The following COP1 variants were observed in gnomAD, a reference collection of about 807,000 sequenced individuals.
COP1 encodes the protein E3 ubiquitin-protein ligase COP1.
A neutral mutation model predicts 101.3 loss-of-function variants in COP1; 24 were observed. The ratio of observed to expected loss-of-function variants is 0.24; its 90% CI spans 0.17 to 0.33. The LOEUF (loss-of-function observed/expected upper bound fraction) is 0.33, where lower values mean the gene tolerates loss of function less well. COP1 is among the 10% of genes least tolerant of loss of function. The probability of loss-of-function intolerance (pLI) is 1.00; values close to 1 mark genes in which losing one functional copy is unlikely to be tolerated. For synonymous variants in COP1, 347 were observed against 341.9 expected (o/e 1.01, Z -0.17); for missense variants, 663 against 906.2 (o/e 0.73, Z 3.45).
At chr1:176,118,337 T>C (rs943699234) in intron 8 of COP1, among the ~76,000 whole-genome samples, 15 of 152,194 alleles carry the variant, frequency 9.9e-5, no homozygotes, top group African/African-American at 3.6e-4. Flanking sequence ...TGAATCTGTC[T>C]ACACAGCAGT....
intron 6 of COP1, among the ~76,000 whole-genome samples, chr1:176,144,335 A>G (rs1691237573): frequency 2.0e-5 from 3 of 152,162 alleles, no homozygotes; most frequent in African/African-American, 7.2e-5. Flanking sequence ...AAAGTTAGAG[A>G]CACAGACATC....
intron 8 of COP1, among the ~76,000 whole-genome samples, chr1:176,118,953 A>G (rs1438593101): frequency 1.3e-5 from 2 of 152,236 alleles, no homozygotes; most frequent in East Asian, 1.9e-4. Flanking sequence ...ATAAAGTTAG[A>G]TGAGTGCCAA....
At chr1:176,169,900 C>T (rs1020210496) in intron 3 of COP1, among the ~76,000 whole-genome samples, 2 of 152,240 alleles carry the variant, frequency 1.3e-5, no homozygotes. Context: ...ACCTCTGAAG[C>T]CCTCTTGCTG....
At chr1:176,108,457 T>C (rs1558124829) in intron 9 of COP1, among the ~76,000 whole-genome samples, 2 of 152,186 alleles carry the variant, frequency 1.3e-5, no homozygotes, top group African/African-American at 4.8e-5. Context: ...AATAAATTTG[T>C]GTATAATTAC....
intron 11 of COP1, among the ~76,000 whole-genome samples, chr1:176,063,436 A>T (rs924997707): frequency 1.3e-5 from 2 of 152,230 alleles, no homozygotes; most frequent in African/African-American, 4.8e-5. Flanking sequence ...TATATAAATT[A>T]TACTTCAGTA....
intron 11 of COP1, among the ~76,000 whole-genome samples, chr1:176,071,345 A>T (rs1676971569): frequency 6.6e-6 from 1 of 152,098 alleles, no homozygotes; most frequent in Non-Finnish European, 1.5e-5. Flanking sequence ...GTTTCCTGCA[A>T]AGCCTGCAGA....
chr1:176,115,603 G>A (rs1318115838), intron 9 of COP1, among the ~76,000 whole-genome samples: 1 of 151,864 alleles, frequency 6.6e-6, no homozygotes, highest in Non-Finnish European at 1.5e-5. Context: ...AAAAAAATTA[G>A]CTGGGCGTGG....
chr1:176,062,381 T>G (rs1675024512), intron 11 of COP1, among the ~76,000 whole-genome samples: 1 of 152,018 alleles, frequency 6.6e-6, no homozygotes, highest in African/African-American at 2.4e-5. Context: ...AGTTAATAAG[T>G]GCATTAAACA....
At position 176,043,777 on chromosome 1, in the gene COP1, C is replaced by A; in HGVS notation, c.1463G>T (p.Ser488Ile). Residue 488 changes from serine to isoleucine, a missense_variant, in exon 13 of 20, where the codon AGC (serine) becomes ATC (isoleucine). Ser to Ile is a moderately radical substitution (Grantham distance 142). Around this residue, in one of 4 missense-constraint regions of COP1, gnomAD observed 209 missense variants for 383.3 expected, o/e 0.55. Coordinates refer to ENST00000367669, the MANE Select transcript of COP1 (RefSeq NM_022457.7). ...WSSYHKNLLA[S>I]SDYEGTVILW... The stretch of plus-strand genomic sequence containing the variant: ...AATAACAGTGCCTTCATAATCACTG[C>A]TAGCTAACAGGTTCTTATGGTAACT... 6.2e-7 allele frequency: 1 copy of A among 1,612,078 alleles called. No individual in the cohort carries two copies.
chr1:176,022,195 A>G (rs1402720064), intron 15 of COP1, among the ~76,000 whole-genome samples: 5 of 152,250 alleles, frequency 3.3e-5, no homozygotes, highest in African/African-American at 9.6e-5. Flanking sequence ...ATAACAAAAT[A>G]AAAGTACAAA....
chr1:176,073,223 A>C (rs1465019510), intron 11 of COP1, among the ~76,000 whole-genome samples: 2 of 152,204 alleles, frequency 1.3e-5, no homozygotes, highest in Admixed American at 6.5e-5. Context: ...TTGTCTAAAA[A>C]TGAGTAGGTA....
chr1:176,090,575 G>C (rs927039685), intron 9 of COP1, among the ~76,000 whole-genome samples: 1 of 152,120 alleles, frequency 6.6e-6, no homozygotes, highest in Non-Finnish European at 1.5e-5. Flanking sequence ...CACAGGGCAG[G>C]GGGAAAGAGG....
intron 9 of COP1, among the ~76,000 whole-genome samples, chr1:176,101,955 A>G (rs1683482953): frequency 6.6e-6 from 1 of 152,096 alleles, no homozygotes. Context: ...AGAGGAGAAA[A>G]TGATAGAGAC....
chr1:176,099,186 G>A (rs1218232060), intron 9 of COP1, among the ~76,000 whole-genome samples: 1 of 152,024 alleles, frequency 6.6e-6, no homozygotes, highest in Non-Finnish European at 1.5e-5. Flanking sequence ...TTCAAAAAAT[G>A]GCTTATAACA....
intron 1 of COP1, among the ~76,000 whole-genome samples, chr1:176,195,045 C>T (rs1699509006): frequency 6.6e-6 from 1 of 151,756 alleles, no homozygotes. Flanking sequence ...TGTGATCACG[C>T]CACTGCACTC....
chr1:176,121,544 C>G (rs989305935), intron 8 of COP1, among the ~76,000 whole-genome samples: 1 of 152,122 alleles, frequency 6.6e-6, no homozygotes, highest in Admixed American at 6.6e-5. Context: ...GAGGTACGAT[C>G]TCACTCTGTC....
chr1:176,194,786 A>G (rs1274103115), intron 1 of COP1, among the ~76,000 whole-genome samples: 1 of 152,126 alleles, frequency 6.6e-6, no homozygotes, highest in Non-Finnish European at 1.5e-5. Flanking sequence ...ACTTATGAAA[A>G]GAAAGCTAGG....
At chr1:176,198,554 A>G (rs915449906) in intron 1 of COP1, among the ~76,000 whole-genome samples, 1 of 152,182 alleles carries the variant, frequency 6.6e-6, no homozygotes, top group Non-Finnish European at 1.5e-5. Flanking sequence ...ATAACTTCTT[A>G]GCTAGAACAC....
At chr1:176,012,940 T>C (rs564233385) in intron 15 of COP1, among the ~76,000 whole-genome samples, 16 of 152,326 alleles carry the variant, frequency 1.1e-4, no homozygotes, top group Admixed American at 2.6e-4. Flanking sequence ...GATTGCATTA[T>C]GTAGTCCCTA....
Sources: gnomAD v4.1 joint callset for allele counts (sites outside exome capture counted in the v4.1 genomes callset) on GRCh38, gnomAD v4.1.1 for gene constraint, gnomAD v4.1.1 regional missense constraint, MANE v1.5 for transcripts, NCBI Gene and HGNC (gene_info 2026-07-23, HGNC 2026-07-21) for gene names.